The following RNF32 variants were observed in gnomAD, a reference collection of about 807,000 sequenced individuals.
RNF32 encodes the protein ring finger protein 32.
RNF32 carries 36 observed loss-of-function variants against 41.0 expected under a neutral mutation model. The observed-to-expected ratio is 0.88, with a 90% CI of 0.67 to 1.16. The LOEUF (loss-of-function observed/expected upper bound fraction) is 1.16. RNF32 is among the 50% of genes most tolerant of loss of function. The pLI, the probability that RNF32 is intolerant of heterozygous loss-of-function variation, is 0.00. For synonymous variants in RNF32, 154 were observed against 160.9 expected (o/e 0.96, Z 0.32); for missense variants, 413 against 436.7 (o/e 0.95, Z 0.48).
At chr7:156,674,708 G>C (rs1414090232) in intron 7 of RNF32, among the ~76,000 whole-genome samples, 1 of 152,104 alleles carries the variant, frequency 6.6e-6, no homozygotes. Flanking sequence ...AAAAAACAAA[G>C]TACTGTATTC....
chr7:156,660,012 G>C (rs912746926), intron 7 of RNF32: 1 of 985,380 alleles, frequency 1.0e-6, no homozygotes, highest in Non-Finnish European at 1.2e-6. Context: ...CCCACTGGAC[G>C]TTGGGTCCGC....
chr7:156,668,593 A>G (rs913239746), intron 7 of RNF32, among the ~76,000 whole-genome samples: 4 of 152,192 alleles, frequency 2.6e-5, no homozygotes, highest in Admixed American at 2.0e-4. Context: ...ATCTGCCCAG[A>G]GCGCCTTGTA....
At chr7:156,647,988 A>G (rs1430230378) in intron 3 of RNF32, among the ~76,000 whole-genome samples, 1 of 149,280 alleles carries the variant, frequency 6.7e-6, no homozygotes, top group Non-Finnish European at 1.5e-5. Context: ...TTTGGGAAAT[A>G]TCTGTTCGTA....
Position 156,676,664 on chromosome 7 carries a change from T to A in RNF32, c.*9T>A, listed in dbSNP as rs201568857. 1.0e-5 allele frequency: 16 copies of A among 1,605,472 alleles called. No individual in the cohort carries two copies. In the African/African-American group the frequency reaches 1.9e-4, roughly 19 times the overall value. ...AGATTCTTGAATGTTGAATTCATAG[T>A]CAAGGAAAGTTAGGTAATTCTGAGG... On this transcript the variant is annotated 3_prime_UTR_variant, in exon 9 of 9. Transcript: ENST00000317955.
upstream of RNF32, chr7:156,640,372 G>T: frequency 2.3e-6 from 1 of 441,636 alleles, no homozygotes; most frequent in Non-Finnish European, 4.5e-6. Context: ...CGCCCACAAA[G>T]CCGCCGGGGG....
intron 3 of RNF32, among the ~76,000 whole-genome samples, chr7:156,647,180 TTG>T (rs1179902773): frequency 1.3e-5 from 2 of 152,020 alleles, no homozygotes; most frequent in South Asian, 2.1e-4. Context: ...TGTTTGTTTT[TTG>T]TGTGTGTTTC....
intron 8 of RNF32, chr7:156,676,211 C>A: frequency 6.8e-7 from 1 of 1,479,586 alleles, no homozygotes; most frequent in Non-Finnish European, 9.0e-7. Flanking sequence ...TAACCCTTTC[C>A]ACAGTTCCCA....
intron 7 of RNF32, among the ~76,000 whole-genome samples, chr7:156,671,534 A>T (rs4716649): frequency 0.35 from 53,868 of 152,038 alleles, 10,189 homozygotes; most frequent in African/African-American, 0.48. Flanking sequence ...AACTGACCAT[A>T]CGCTTGTCCA....
Position 156,676,407 on chromosome 7 carries a change from T to C in RNF32, c.853-12T>C, listed in dbSNP as rs1482862601. ...TAACCCGCGTGGCCTCTTCCCGTCCTGTGTGCCGCAGGCTCTGCGCCGGGA... is the reference window on the plus strand; with the variant it reads ...TAACCCGCGTGGCCTCTTCCCGTCCCGTGTGCCGCAGGCTCTGCGCCGGGA... On this transcript the variant is annotated splice_polypyrimidine_tract_variant and intron_variant, in intron 8 of 8. Coordinates refer to ENST00000317955, the MANE Select transcript of RNF32 (RefSeq NM_030936.4). 5.6e-6 allele frequency: 9 copies of C among 1,613,958 alleles called. No homozygotes were observed. The highest frequency in any genetic ancestry group is 7.6e-6 in the Non-Finnish European group (9 of 1,180,002).
chr7:156,664,188 G>A (rs977640910), intron 7 of RNF32, among the ~76,000 whole-genome samples: 8 of 152,236 alleles, frequency 5.3e-5, no homozygotes, highest in Non-Finnish European at 8.8e-5. Context: ...AGGGCCGGGC[G>A]CGGTGGCTCA....
rs1802269142 is a variant in RNF32 at position 156,670,573 on chromosome 7, C to G, written c.685-5123C>G. On this transcript the variant is annotated intron_variant, in intron 7 of 8. Coordinates refer to ENST00000317955, the MANE Select transcript of RNF32 (RefSeq NM_030936.4). This position sits in a 1 kb window ranked among gnomAD's most constrained non-coding sequence, Gnocchi z 4.3. ...CCCAATATGATTTTGTTTTAAGTGT[C>G]TAGTGAGCCTGCAGAACACAAAGCA... 6.6e-6 allele frequency among the ~76,000 whole-genome samples: 1 copy of G among 152,176 alleles called. No homozygotes were observed. Among genetic ancestry groups the G allele is most frequent in the African/African-American group, 2.4e-5 (1 of 41,428 alleles).
chr7:156,673,919 A>G (rs73163978), intron 7 of RNF32, among the ~76,000 whole-genome samples: 9 of 150,186 alleles, frequency 6.0e-5, no homozygotes, highest in Non-Finnish European at 7.4e-5. Flanking sequence ...AAAAAAAAAA[A>G]AAAGAAAAAG....
intron 7 of RNF32, among the ~76,000 whole-genome samples, chr7:156,665,485 C>A (rs774305125): frequency 1.3e-5 from 2 of 152,194 alleles, no homozygotes; most frequent in Non-Finnish European, 2.9e-5. Flanking sequence ...GTTTTTAAGT[C>A]TGGGAATAAC....
chr7:156,657,535 G>T lies in RNF32; in HGVS notation c.418-6G>T, dbSNP rs752165751. Reference sequence around the variant, plus strand: ...CTTCAACGTCGTTCTGTTTCCTCATGAACAGGTGCTGCTTTCATGCTCCCA... The same window carrying T: ...CTTCAACGTCGTTCTGTTTCCTCATTAACAGGTGCTGCTTTCATGCTCCCA... On this transcript the variant is annotated splice_polypyrimidine_tract_variant and splice_region_variant and intron_variant, in intron 4 of 8. Coordinates refer to ENST00000317955, the MANE Select transcript of RNF32 (RefSeq NM_030936.4). 2.5e-6 allele frequency: 4 copies of T among 1,614,068 alleles called. No individual in the cohort carries two copies. The highest frequency in any genetic ancestry group is 3.4e-6 in the Non-Finnish European group (4 of 1,179,980).
rs1283516770 is a variant in RNF32 at position 156,669,383 on chromosome 7, G to A, written c.685-6313G>A. ...AGAGAGGAAGGGGAGAGAGAGTGAAGTGAGGGGTGAGATGTTTGAAATAAG... is the reference window on the plus strand; with the variant it reads ...AGAGAGGAAGGGGAGAGAGAGTGAAATGAGGGGTGAGATGTTTGAAATAAG... On this transcript the variant is annotated intron_variant, in intron 7 of 8. Coordinates refer to ENST00000317955, the MANE Select transcript of RNF32 (RefSeq NM_030936.4). This position sits in a 1 kb window ranked among gnomAD's most constrained non-coding sequence, Gnocchi z 4.2. 1 of 152,260 alleles carries A rather than the reference G, an allele frequency of 6.6e-6. No homozygotes were observed. The highest frequency in any genetic ancestry group is 1.9e-4 in the East Asian group (1 of 5,196). The allele number at this position is 152,260 out of a possible 1,614,324, so 9.4% of individuals were successfully genotyped here. A position where few individuals can be genotyped will look rare whatever the true frequency, so the allele number is the denominator to read the frequency against.
At chr7:156,652,014 C>T (rs1039205877) in intron 3 of RNF32, among the ~76,000 whole-genome samples, 6 of 152,186 alleles carry the variant, frequency 3.9e-5, no homozygotes, top group African/African-American at 1.4e-4. Context: ...TCCTTGGTTT[C>T]TTCCCTCGTA....
At chr7:156,643,763 A>G (rs997815047) in intron 1 of RNF32, 38 bp from the exon 2 acceptor site, 2 of 918,390 alleles carry the variant, frequency 2.2e-6, no homozygotes, top group African/African-American at 3.3e-5. Flanking sequence ...TTTTCTGTGC[A>G]CTGTAACTTT....
At chr7:156,668,171 C>T (rs980014240) in intron 7 of RNF32, among the ~76,000 whole-genome samples, 1 of 152,148 alleles carries the variant, frequency 6.6e-6, no homozygotes, top group African/African-American at 2.4e-5. Context: ...GCAGTGCACA[C>T]AGGAAAAAGT....
At chr7:156,654,495 C>T (rs1799294527) in intron 3 of RNF32, 81 bp from the exon 4 acceptor site, 1 of 1,224,008 alleles carries the variant, frequency 8.2e-7, no homozygotes, top group African/African-American at 1.5e-5. Flanking sequence ...TCTTTGTTTG[C>T]AAATGGTGTC....
Sources: allele counts gnomAD v4.1 joint callset (sites outside exome capture counted in the v4.1 genomes callset), GRCh38; gene constraint gnomAD v4.1.1; non-coding constraint Gnocchi (gnomAD v3.1); transcripts MANE v1.5; gene names NCBI Gene and HGNC (gene_info 2026-07-23, HGNC 2026-07-21).